MVB12B: variants seen among roughly 807,000 people sequenced by gnomAD.
MVB12B encodes the protein ESCRT-I complex subunit MVB12B.
Under a neutral mutation model 41.6 loss-of-function variants are expected in MVB12B, and 16 were observed. The observed-to-expected ratio is 0.38, with a 90% CI of 0.26 to 0.58. The LOEUF is 0.58. Among genes scored for constraint, MVB12B ranks in the 20% least tolerant of loss-of-function variants. MVB12B has a pLI of 0.62. For synonymous variants in MVB12B, 133 were observed against 139.7 expected (o/e 0.95, Z 0.34); for missense variants, 274 against 380.2 (o/e 0.72, Z 2.32).
intron 9 of MVB12B, among the ~76,000 whole-genome samples, chr9:126,492,785 A>G (rs1413284139): frequency 6.6e-6 from 1 of 152,208 alleles, no homozygotes; most frequent in African/African-American, 2.4e-5. Flanking sequence ...TTGAGGCTGC[A>G]GTGAGCTATG....
At chr9:126,500,616 C>A (rs534614420) in intron 9 of MVB12B, among the ~76,000 whole-genome samples, 2 of 152,328 alleles carry the variant, frequency 1.3e-5, no homozygotes, top group East Asian at 1.9e-4. Flanking sequence ...TTGACCGGGA[C>A]CCCCCGGGGA....
Position 126,506,768 on chromosome 9 carries a change from G to C in MVB12B, c.*3505G>C, listed in dbSNP as rs1432232956. On this transcript the variant is annotated 3_prime_UTR_variant, in exon 10 of 10. Coordinates refer to ENST00000361171, the MANE Select transcript of MVB12B (RefSeq NM_033446.3). ...ACCCCTGAGCCCACAGCCCCTGCTTGGGCTGCCTGGCACCCTCAGGGTGGC... is the reference window on the plus strand; with the variant it reads ...ACCCCTGAGCCCACAGCCCCTGCTTCGGCTGCCTGGCACCCTCAGGGTGGC... 1 of 152,216 alleles carries C rather than the reference G, an allele frequency of 6.6e-6. No homozygotes were observed. The highest frequency in any genetic ancestry group is 1.5e-5 in the Non-Finnish European group (1 of 68,044). The allele number at this position is 152,216 out of a possible 1,614,324, so 9.4% of individuals were successfully genotyped here. A position where few individuals can be genotyped will look rare whatever the true frequency, so the allele number is the denominator to read the frequency against.
chr9:126,369,653 T>G (rs192187373), intron 2 of MVB12B, among the ~76,000 whole-genome samples: 41 of 152,264 alleles, frequency 2.7e-4, no homozygotes, highest in Non-Finnish European at 3.1e-4. Flanking sequence ...GGTTTTTTTT[T>G]GTTTGTTTTT....
chr9:126,368,440 A>G (rs1320449829), intron 2 of MVB12B, among the ~76,000 whole-genome samples: 2 of 152,242 alleles, frequency 1.3e-5, no homozygotes, highest in Non-Finnish European at 2.9e-5. Flanking sequence ...TTCTCTGCTC[A>G]GCAGATGCAC....
intron 2 of MVB12B, among the ~76,000 whole-genome samples, chr9:126,371,148 TGAGAG>T: frequency 6.6e-6 from 1 of 152,298 alleles, no homozygotes; most frequent in Admixed American, 6.5e-5. Context: ...ATCCTGTGGC[TGAGAG>T]GAGCCGGCCT....
chr9:126,381,202 G>C, intron 3 of MVB12B, 31 bp downstream of exon 3: 3 of 1,427,094 alleles, frequency 2.1e-6, no homozygotes, highest in South Asian at 2.3e-5. Flanking sequence ...CATTTGCTGA[G>C]TGAGCACAAG....
At chr9:126,424,930 G>A (rs897865351) in intron 7 of MVB12B, among the ~76,000 whole-genome samples, 22 of 152,232 alleles carry the variant, frequency 1.4e-4, no homozygotes, top group Non-Finnish European at 4.4e-5. Context: ...TCAGGGGTGG[G>A]AGGTGGATAG....
At chr9:126,427,664 T>A (rs1365973556) in intron 7 of MVB12B, among the ~76,000 whole-genome samples, 1 of 152,230 alleles carries the variant, frequency 6.6e-6, no homozygotes, top group African/African-American at 2.4e-5. Flanking sequence ...AAATACCTAT[T>A]AAAACTGGCA....
At chr9:126,448,998 G>A (rs12378611) in intron 7 of MVB12B, among the ~76,000 whole-genome samples, 19,840 of 152,218 alleles carry the variant, frequency 0.13, 1,802 homozygotes, top group East Asian at 0.44. Context: ...GCTAGGCAGC[G>A]TGGCATAGAA....
At chr9:126,365,316 C>T (rs771347942) in intron 2 of MVB12B, among the ~76,000 whole-genome samples, 3 of 139,430 alleles carry the variant, frequency 2.2e-5, no homozygotes, top group South Asian at 2.4e-4. Context: ...CTATCCACCT[C>T]GGCCTCCCAA....
intron 1 of MVB12B, among the ~76,000 whole-genome samples, chr9:126,337,127 C>T (rs373858868): frequency 2.0e-5 from 3 of 152,304 alleles, no homozygotes; most frequent in East Asian, 1.9e-4. Flanking sequence ...AGAACTTCCT[C>T]GCAGCCACAG....
intron 2 of MVB12B, among the ~76,000 whole-genome samples, chr9:126,345,519 C>T (rs1352666231): frequency 6.6e-6 from 1 of 152,232 alleles, no homozygotes; most frequent in Non-Finnish European, 1.5e-5. Flanking sequence ...GGGTGCTTTG[C>T]ACCTTCGGGC....
At chr9:126,381,299 T>C (rs955307232) in intron 3 of MVB12B, 128 bp downstream of exon 3, 6 of 693,146 alleles carry the variant, frequency 8.7e-6, no homozygotes, top group East Asian at 2.8e-5. Flanking sequence ...GTGGTTTTAG[T>C]GAACTGGGTA....
chr9:126,330,898 A>C (rs1290440300), intron 1 of MVB12B, among the ~76,000 whole-genome samples: 1 of 152,126 alleles, frequency 6.6e-6, no homozygotes, highest in Non-Finnish European at 1.5e-5. Flanking sequence ...TTAGTTTAGC[A>C]TACTGTCCTC....
At chr9:126,375,786 T>C (rs1030475951) in intron 2 of MVB12B, among the ~76,000 whole-genome samples, 9 of 152,212 alleles carry the variant, frequency 5.9e-5, no homozygotes, top group African/African-American at 2.2e-4. Context: ...ATTCCAGAGT[T>C]CCTCAGAATT....
chr9:126,393,799 T>C (rs982374258), intron 5 of MVB12B, among the ~76,000 whole-genome samples: 1 of 152,230 alleles, frequency 6.6e-6, no homozygotes, highest in East Asian at 1.9e-4. Flanking sequence ...GCAGGGGCCA[T>C]GTGTTTCCCT....
At chr9:126,405,621 C>A (rs1831397299) in intron 6 of MVB12B, among the ~76,000 whole-genome samples, 1 of 151,650 alleles carries the variant, frequency 6.6e-6, no homozygotes, top group African/African-American at 2.4e-5. Context: ...CTACCACCCC[C>A]TACCCCCCGC....
At chr9:126,361,772 G>A (rs1471318391) in intron 2 of MVB12B, among the ~76,000 whole-genome samples, 1 of 151,940 alleles carries the variant, frequency 6.6e-6, no homozygotes, top group Non-Finnish European at 1.5e-5. Context: ...AAATTAGCTG[G>A]GTGTGATGGT....
At chr9:126,352,199 C>G (rs1476128123) in intron 2 of MVB12B, among the ~76,000 whole-genome samples, 1 of 151,994 alleles carries the variant, frequency 6.6e-6, no homozygotes, top group Non-Finnish European at 1.5e-5. Context: ...CTGTAGTTTT[C>G]TTTTTGTATA....
Sources: gnomAD v4.1 joint callset for allele counts (sites outside exome capture counted in the v4.1 genomes callset) on GRCh38, gnomAD v4.1.1 for gene constraint, MANE v1.5 for transcripts, NCBI Gene and HGNC (gene_info 2026-07-23, HGNC 2026-07-21) for gene names.